The following DOCK1 variants were observed in gnomAD, a reference collection of about 807,000 sequenced individuals.
DOCK1 encodes the protein dedicator of cytokinesis 1, also known as dedicator of cytokinesis protein 1.
A neutral mutation model predicts 262.7 loss-of-function variants in DOCK1; 138 were observed. The observed-to-expected ratio is 0.53, with a 90% CI of 0.46 to 0.61. The LOEUF (loss-of-function observed/expected upper bound fraction) is 0.61. DOCK1 is among the 20% of genes least tolerant of loss of function. DOCK1 has a pLI of 0.00. For synonymous variants in DOCK1, 866 were observed against 867.4 expected, an observed-to-expected ratio of 1.00 and a Z score of 0.03; for missense variants, 1,908 against 2,370.7, an observed-to-expected ratio of 0.80 and a Z score of 4.05.
chr10:127,222,521 C>A (rs889115381), intron 27 of DOCK1, among the ~76,000 whole-genome samples: 1 of 152,108 alleles, frequency 6.6e-6, no homozygotes, highest in South Asian at 2.1e-4. Context: ...GTCATGTTAA[C>A]GTGGTAACAT....
At chr10:127,275,060 G>T (rs745827324) in intron 29 of DOCK1, among the ~76,000 whole-genome samples, 1 of 152,112 alleles carries the variant, frequency 6.6e-6, no homozygotes. Flanking sequence ...CTACACTGAC[G>T]TTCAGAAGAA....
chr10:127,388,068 C>G (rs4495803), intron 38 of DOCK1, among the ~76,000 whole-genome samples: 122,448 of 152,116 alleles, frequency 0.8, 49,400 homozygotes, highest in African/African-American at 0.86. Flanking sequence ...CCCCACACCA[C>G]AAAGAAATAG....
chr10:127,210,728 C>T (rs2057936977), intron 27 of DOCK1, among the ~76,000 whole-genome samples: 1 of 152,166 alleles, frequency 6.6e-6, no homozygotes, highest in South Asian at 2.1e-4. Context: ...TCTCCCCCTG[C>T]CTCTTTTTGT....
chr10:126,931,763 T>C (rs1159869844), intron 1 of DOCK1, among the ~76,000 whole-genome samples: 5 of 152,074 alleles, frequency 3.3e-5, no homozygotes, highest in Non-Finnish European at 7.4e-5. Flanking sequence ...CAGGAACCAA[T>C]GTGTCTTCAT....
Position 126,952,570 on chromosome 10 carries a change from T to A in DOCK1, c.47-18132T>A, listed in dbSNP as rs907400359. Among the ~76,000 whole-genome samples the A allele has an allele frequency of 2.1e-4, 32 of 151,806 alleles. No individual in the cohort carries two copies. In the East Asian group the frequency reaches 6.2e-3, roughly 30 times the overall value. ...GGTGGTAGTATTGGTGGTAGTGTTG[T>A]TGGTGATGTAGTATTGTTGGTACTG... On this transcript the variant is annotated intron_variant, in intron 1 of 51. Coordinates refer to ENST00000623213, the MANE Select transcript of DOCK1 (RefSeq NM_001290223.2).
chr10:126,907,805 T>G (rs1329843027), intron 1 of DOCK1, among the ~76,000 whole-genome samples: 1 of 152,170 alleles, frequency 6.6e-6, no homozygotes, highest in African/African-American at 2.4e-5. Flanking sequence ...CCAGCGCTCA[T>G]GGTGGTGACT....
intron 47 of DOCK1, among the ~76,000 whole-genome samples, chr10:127,432,344 C>T (rs928285734): frequency 5.3e-5 from 8 of 151,594 alleles, no homozygotes; most frequent in African/African-American, 1.5e-4. Context: ...TGTAATCTAC[C>T]GCTTCTGGCC....
intron 30 of DOCK1, among the ~76,000 whole-genome samples, chr10:127,340,888 G>C (rs1411001532): frequency 6.6e-6 from 1 of 152,090 alleles, no homozygotes; most frequent in Non-Finnish European, 1.5e-5. Flanking sequence ...TTTTTTATAA[G>C]TTGGAATTCT....
chr10:127,299,944 T>G (rs953421618), intron 29 of DOCK1, among the ~76,000 whole-genome samples: 2 of 152,222 alleles, frequency 1.3e-5, no homozygotes, highest in Non-Finnish European at 2.9e-5. Context: ...GCAAAGTTCC[T>G]TATCTCAGGC....
At chr10:126,996,673 G>A in intron 6 of DOCK1, 75 bp from the exon 7 acceptor site, 1 of 1,406,672 alleles carries the variant, frequency 7.1e-7, no homozygotes, top group Non-Finnish European at 9.3e-7. Flanking sequence ...CCCAGTTGCT[G>A]TGGTGGAAGT....
At chr10:127,414,927 T>C (rs1045674293) in intron 43 of DOCK1, among the ~76,000 whole-genome samples, 8 of 152,230 alleles carry the variant, frequency 5.3e-5, no homozygotes, top group African/African-American at 1.9e-4. Context: ...CAATGTTGGC[T>C]AGGGGACAGG....
intron 19 of DOCK1, among the ~76,000 whole-genome samples, chr10:127,038,165 G>A (rs1354031813): frequency 5.3e-5 from 8 of 152,044 alleles, no homozygotes; most frequent in East Asian, 1.9e-4. Context: ...CCCAGGAGGC[G>A]GAGGTTGCAG....
intron 27 of DOCK1, among the ~76,000 whole-genome samples, chr10:127,207,307 G>A (rs951171796): frequency 2.6e-5 from 4 of 152,174 alleles, no homozygotes; most frequent in South Asian, 2.1e-4. Context: ...AGTACAGGGC[G>A]GTCCCTAAAT....
rs1452212093 is a variant in DOCK1 at position 127,186,506 on chromosome 10, C to T, written c.2847+58742C>T. 3.2e-3 allele frequency among the ~76,000 whole-genome samples: 61 copies of T among 19,148 alleles called. 10 individuals carry two copies. Among genetic ancestry groups the T allele is most frequent in the Non-Finnish European group, 6.5e-3 (49 of 7,526 alleles). The allele number at this position is 19,148 out of a possible 152,430, so 12.6% of individuals were successfully genotyped here. On this transcript the variant is annotated intron_variant, in intron 27 of 51. Transcript: ENST00000623213. ...ATCATGATAACAGCATGGGAGAAAC[C>T]GCCCCCCCGCCCCCCCCCGATCCAG...
At chr10:127,123,240 G>A (rs1036838441) in intron 25 of DOCK1, among the ~76,000 whole-genome samples, 14 of 151,220 alleles carry the variant, frequency 9.3e-5, no homozygotes, top group African/African-American at 3.2e-4. Context: ...AGGTCTTAGT[G>A]GTTCTAACTG....
At chr10:127,106,028 G>A (rs554099156) in intron 23 of DOCK1, among the ~76,000 whole-genome samples, 59 of 152,136 alleles carry the variant, frequency 3.9e-4, no homozygotes, top group Non-Finnish European at 7.3e-4. Flanking sequence ...GCCTCCCAAA[G>A]TGCTGGGATT....
At chr10:127,365,866 T>G (rs2064877058) in intron 33 of DOCK1, among the ~76,000 whole-genome samples, 1 of 152,190 alleles carries the variant, frequency 6.6e-6, no homozygotes, top group Non-Finnish European at 1.5e-5. Context: ...AGCCACAGAA[T>G]TTGTGCCACC....
At chr10:127,132,475 G>GT (rs2050382808) in intron 27 of DOCK1, among the ~76,000 whole-genome samples, 2 of 152,298 alleles carry the variant, frequency 1.3e-5, no homozygotes, top group Non-Finnish European at 2.9e-5. Flanking sequence ...GAAGCATGGA[G>GT]TGAAATACTT....
Position 127,106,320 on chromosome 10 carries a change from C to T in DOCK1, c.2516+19C>T, listed in dbSNP as rs748604153. On this transcript the variant is annotated intron_variant, in intron 24 of 51. Transcript: ENST00000623213. Reference sequence around the variant, plus strand: ...AGCTCAGGTAAGTATGCAGCCCAGGCGAATGCTTGTCACGTGCCGTGTGTG... The same window carrying T: ...AGCTCAGGTAAGTATGCAGCCCAGGTGAATGCTTGTCACGTGCCGTGTGTG... 5.7e-6 allele frequency: 9 copies of T among 1,586,020 alleles called. No individual in the cohort carries two copies. In the East Asian group the frequency reaches 6.8e-5, roughly 12 times the overall value.
Sources: gnomAD v4.1 joint callset for allele counts (sites outside exome capture counted in the v4.1 genomes callset) on GRCh38, gnomAD v4.1.1 for gene constraint, MANE v1.5 for transcripts, NCBI Gene and HGNC (gene_info 2026-07-23, HGNC 2026-07-21) for gene names.